The following ACO1 variants were observed in gnomAD, a reference collection of about 807,000 sequenced individuals.
ACO1 encodes cytoplasmic aconitate hydratase.
ACO1 carries 78 observed loss-of-function variants against 105.1 expected under a neutral mutation model. That is an observed-to-expected ratio of 0.74 (90% CI 0.62 to 0.90). The LOEUF (loss-of-function observed/expected upper bound fraction) is 0.90, where lower values mean the gene tolerates loss of function less well. Among genes scored for constraint, ACO1 ranks in the 40% least tolerant of loss-of-function variants. The probability of loss-of-function intolerance (pLI) is 0.00; values close to 1 mark genes in which losing one functional copy is unlikely to be tolerated. For synonymous variants in ACO1, 364 were observed against 397.4 expected, an observed-to-expected ratio of 0.92 and a Z score of 1.00; for missense variants, 965 against 1,111.1, an observed-to-expected ratio of 0.87 and a Z score of 1.87.
Position 32,384,698 on chromosome 9 carries a change from G to A in ACO1, c.-60G>A, listed in dbSNP as rs536086035. On this transcript the variant is annotated 5_prime_UTR_variant, in exon 1 of 21. Transcript: ENST00000309951. Reference sequence around the variant, plus strand: ...GGAACGCGTCCCGCTGCTTGGGTCAGGTTCGCCGGTCGCGGGAGCCCCGCC... The same window carrying A: ...GGAACGCGTCCCGCTGCTTGGGTCAAGTTCGCCGGTCGCGGGAGCCCCGCC... 18 of 415,110 alleles carry A rather than the reference G, an allele frequency of 4.3e-5. No individual in the cohort carries two copies. The highest frequency in any genetic ancestry group is 3.9e-4 in the African/African-American group (18 of 46,262). 25.7% of individuals were successfully genotyped at this position (415,110 alleles called of 1,614,324 possible).
chr9:32,410,869 G>A (rs1038020922), intron 4 of ACO1, among the ~76,000 whole-genome samples: 3 of 152,180 alleles, frequency 2.0e-5, no homozygotes, highest in Non-Finnish European at 4.4e-5. Flanking sequence ...GGTGAGCACA[G>A]TCAGGAAGCT....
intron 20 of ACO1, 96 bp downstream of exon 20, chr9:32,449,177 A>G: frequency 8.3e-7 from 1 of 1,204,446 alleles, no homozygotes; most frequent in Non-Finnish European, 1.1e-6. Flanking sequence ...TTTAGAAGGC[A>G]AAAAATATCA....
In ACO1 at chr9:32,429,475, C is replaced by T; in HGVS notation, c.1541C>T (p.Pro514Leu). 1 of 1,614,166 alleles carries T rather than the reference C, an allele frequency of 6.2e-7. No homozygotes were observed. Among genetic ancestry groups the T allele is most frequent in the Non-Finnish European group, 8.5e-7 (1 of 1,180,026 alleles). ...MTCIGNSGPLPEPVVEAITQG... is the reference protein window; with the variant it reads ...MTCIGNSGPLLEPVVEAITQG... ...TGCATTGGCAACAGTGGGCCTTTAC[C>T]TGAACCTGTGGTAGAAGCCATCACA... is the stretch of plus-strand genomic sequence containing the variant. The change falls in exon 13 of 21, where the codon CCT becomes CTT. Residue 514 changes from proline (P) to leucine (L), a missense_variant. Coordinates refer to ENST00000309951, the MANE Select transcript of ACO1 (RefSeq NM_002197.3).
intron 1 of ACO1, among the ~76,000 whole-genome samples, chr9:32,397,644 C>A (rs57884823): frequency 1.3e-5 from 2 of 152,138 alleles, no homozygotes; most frequent in Non-Finnish European, 1.5e-5. Context: ...CAATTAATTT[C>A]TCTTTAAACA....
Position 32,440,904 on chromosome 9 carries a change from A to C in ACO1, c.2370+317A>C, listed in dbSNP as rs1372282576. Among the ~76,000 whole-genome samples, 7 of 152,056 alleles carry C rather than the reference A, an allele frequency of 4.6e-5. 1 individual carries two copies. Among genetic ancestry groups the C allele is most frequent in the African/African-American group, 1.7e-4 (7 of 41,400 alleles). On this transcript the variant is annotated intron_variant, in intron 19 of 20. Transcript: ENST00000309951. Reference sequence around the variant, plus strand: ...ATACATGTATGTCTTTCATGGGGAGAGGTGTCATGGCTTTTATAACATTCT... The same window carrying C: ...ATACATGTATGTCTTTCATGGGGAGCGGTGTCATGGCTTTTATAACATTCT...
chr9:32,443,126 G>A (rs570397321), intron 19 of ACO1, among the ~76,000 whole-genome samples: 16 of 152,170 alleles, frequency 1.1e-4, no homozygotes, highest in African/African-American at 3.9e-4. Flanking sequence ...GCACAGACCA[G>A]TAAATAGACA....
chr9:32,440,384 C>T, intron 18 of ACO1, 81 bp from the exon 19 acceptor site: 6 of 1,570,672 alleles, frequency 3.8e-6, no homozygotes, highest in Non-Finnish European at 4.4e-6. Context: ...CCATCCAGCC[C>T]CGCCCTCACC....
Position 32,429,401 on chromosome 9 carries a change from T to G in ACO1, c.1485-18T>G. 1 of 1,612,736 alleles carries G rather than the reference T, an allele frequency of 6.2e-7. No individual in the cohort carries two copies. The highest frequency in any genetic ancestry group is 8.5e-7 in the Non-Finnish European group (1 of 1,178,828). On this transcript the variant is annotated intron_variant, in intron 12 of 20. Coordinates refer to ENST00000309951, the MANE Select transcript of ACO1 (RefSeq NM_002197.3). ...TTATTCTTTTTTTGTGTGTGTGTGC[T>G]TCTCTCTTGGTGTCTAGGTTTGACG...
At chr9:32,410,715 CA>C (rs1196095503) in intron 4 of ACO1, among the ~76,000 whole-genome samples, 7 of 151,816 alleles carry the variant, frequency 4.6e-5, no homozygotes, top group African/African-American at 1.7e-4. Context: ...TTGTACCAGC[CA>C]AAACCGTGAA....
chr9:32,401,345 C>T (rs1821491666), intron 1 of ACO1, among the ~76,000 whole-genome samples: 1 of 151,350 alleles, frequency 6.6e-6, no homozygotes, highest in Admixed American at 6.6e-5. Context: ...TTTTTTTTCC[C>T]CCTGAGGGAA....
At chr9:32,392,807 C>A (rs958658189) in intron 1 of ACO1, among the ~76,000 whole-genome samples, 2 of 152,222 alleles carry the variant, frequency 1.3e-5, no homozygotes, top group African/African-American at 2.4e-5. Context: ...GTGAAGATTT[C>A]ATGGACATTT....
At chr9:32,407,599 G>T (rs149705048) in intron 3 of ACO1, among the ~76,000 whole-genome samples, 170 bp downstream of exon 3, 10 of 152,170 alleles carry the variant, frequency 6.6e-5, no homozygotes, top group Non-Finnish European at 1.5e-4. Context: ...GGGTGTCATT[G>T]CCCCCAGCAG....
At chr9:32,394,922 G>A (rs1821340664) in intron 1 of ACO1, among the ~76,000 whole-genome samples, 2 of 130,212 alleles carry the variant, frequency 1.5e-5, no homozygotes. Flanking sequence ...CAGACACTTG[G>A]CGAATTCACA....
Position 32,436,368 on chromosome 9 carries a change from C to A in ACO1, c.2218C>A (p.Gln740Lys). 6.2e-7 allele frequency: 1 copy of A among 1,614,200 alleles called. No individual in the cohort carries two copies. The highest frequency in any genetic ancestry group is 8.5e-7 in the Non-Finnish European group (1 of 1,180,012). The change falls in exon 18 of 21, where the codon CAG becomes AAG. Residue 740 changes from glutamine (Q) to lysine (K), a missense_variant. Gln to Lys is a moderately conservative substitution (Grantham distance 53). Coordinates refer to ENST00000309951, the MANE Select transcript of ACO1 (RefSeq NM_002197.3). ...LNRFLNKQAPQTIHLPSGEIL... is the reference protein window; with the variant it reads ...LNRFLNKQAPKTIHLPSGEIL... ...CAGATTTTTGAACAAGCAGGCACCACAGACTATCCATCTGCCTTCTGGGGA... is the reference window on the plus strand; with the variant it reads ...CAGATTTTTGAACAAGCAGGCACCAAAGACTATCCATCTGCCTTCTGGGGA...
intron 12 of ACO1, among the ~76,000 whole-genome samples, chr9:32,429,082 CAT>C (rs1252298423): frequency 6.6e-5 from 10 of 152,260 alleles, no homozygotes; most frequent in Non-Finnish European, 1.3e-4. Context: ...TGACTTATGA[CAT>C]ATATTTTATT....
Position 32,449,051 on chromosome 9 carries a change from C to A in ACO1, c.2526C>A (p.Asn842Lys). 6.2e-7 allele frequency: 1 copy of A among 1,609,452 alleles called. No homozygotes were observed. Among genetic ancestry groups the A allele is most frequent in the Non-Finnish European group, 8.5e-7 (1 of 1,176,752 alleles). ...GATACACTATCATTATTCCAGAAAACCTCAAACCACAAATGAAAGTCCAGG... is the reference window on the plus strand; with the variant it reads ...GATACACTATCATTATTCCAGAAAAACTCAAACCACAAATGAAAGTCCAGG... ...QERYTIIIPE[N>K]LKPQMKVQVK... The change falls in exon 20 of 21, where the codon AAC (asparagine) becomes AAA (lysine). Residue 842 changes from asparagine (N) to lysine (K), a missense_variant. By Grantham distance (94) the Asn-to-Lys change is moderately conservative (BLOSUM62 0). Transcript: ENST00000309951.
chr9:32,407,513 T>G, intron 3 of ACO1, 84 bp downstream of exon 3: 1 of 1,270,284 alleles, frequency 7.9e-7, no homozygotes, highest in African/African-American at 1.5e-5. Flanking sequence ...GAAAACACTC[T>G]GCAATGACTA....
At chr9:32,428,640 C>T (rs1277107498) in intron 12 of ACO1, among the ~76,000 whole-genome samples, 13 of 152,060 alleles carry the variant, frequency 8.5e-5, no homozygotes, top group Admixed American at 8.5e-4. Context: ...AGATCGAGAC[C>T]ATCCTGGCTA....
chr9:32,431,776 A>T lies in ACO1; in HGVS notation c.1784A>T (p.Glu595Val), dbSNP rs765848694. The T allele has an allele frequency of 1.7e-5, 27 of 1,614,044 alleles. No homozygotes were observed. In the South Asian group the frequency reaches 2.7e-4, roughly 16 times the overall value. Reference sequence around the variant, plus strand: ...AAAGATATCTGGCCGACTAGAGACGAGATCCAGGCAGTGGAGCGTCAGTAT... The same window carrying T: ...AAAGATATCTGGCCGACTAGAGACGTGATCCAGGCAGTGGAGCGTCAGTAT... ...FLKDIWPTRD[E>V]IQAVERQYVI... Residue 595 changes from glutamate (E) to valine (V), a missense_variant, in exon 15 of 21, where the codon GAG (glutamate) becomes GTG (valine). By Grantham distance (121) the Glu-to-Val change is moderately radical. Coordinates refer to ENST00000309951, the MANE Select transcript of ACO1 (RefSeq NM_002197.3).
Sources: allele counts gnomAD v4.1 joint callset (sites outside exome capture counted in the v4.1 genomes callset), GRCh38; gene constraint gnomAD v4.1.1; transcripts MANE v1.5; gene names NCBI Gene and HGNC (gene_info 2026-07-23, HGNC 2026-07-21).